The following GRIA4 variants were observed in gnomAD, a reference collection of about 807,000 sequenced individuals.
The protein encoded by GRIA4 is glutamate ionotropic receptor AMPA type subunit 4.
GRIA4 carries 34 observed loss-of-function variants against 104.0 expected under a neutral mutation model. The observed-to-expected ratio is 0.33, with a 90% CI of 0.25 to 0.44. The LOEUF (loss-of-function observed/expected upper bound fraction) is 0.44. Among genes scored for constraint, GRIA4 ranks in the 20% least tolerant of loss-of-function variants. The pLI, the probability that GRIA4 is intolerant of heterozygous loss-of-function variation, is 1.00. For missense variants in GRIA4, 750 were observed against 1,096.5 expected (o/e 0.68, Z 4.46); for synonymous variants, 386 against 381.9 (o/e 1.01, Z -0.13).
chr11:105,935,171 G>A (rs1478777820), intron 14 of GRIA4, among the ~76,000 whole-genome samples: 2 of 152,152 alleles, frequency 1.3e-5, no homozygotes, highest in African/African-American at 4.8e-5. Context: ...AAAAGGTTGT[G>A]TTAAACCAAT....
At chr11:105,614,996 A>G (rs1950565236) in intron 3 of GRIA4, among the ~76,000 whole-genome samples, 1 of 151,976 alleles carries the variant, frequency 6.6e-6, no homozygotes, top group African/African-American at 2.4e-5. Context: ...ATTCCTCACC[A>G]TGATACGGAC....
chr11:105,628,598 T>C (rs1162086904), intron 3 of GRIA4, among the ~76,000 whole-genome samples: 1 of 152,164 alleles, frequency 6.6e-6, no homozygotes, highest in African/African-American at 2.4e-5. Flanking sequence ...TCTTCCACCA[T>C]GATTGTAAGT....
intron 4 of GRIA4, among the ~76,000 whole-genome samples, chr11:105,835,727 G>A (rs558496567): frequency 5.3e-4 from 81 of 152,152 alleles, no homozygotes; most frequent in Middle Eastern, 3.4e-3. Context: ...AAGAGTGAAA[G>A]TCTTTTGAAA....
At chr11:105,641,928 C>T (rs750449082) in intron 3 of GRIA4, among the ~76,000 whole-genome samples, 6 of 152,000 alleles carry the variant, frequency 3.9e-5, no homozygotes, top group African/African-American at 7.3e-5. Flanking sequence ...TTCTGGAGGC[C>T]GAAAGTCTGA....
intron 3 of GRIA4, among the ~76,000 whole-genome samples, chr11:105,626,991 A>T (rs1950902362): frequency 6.6e-6 from 1 of 152,162 alleles, no homozygotes; most frequent in Non-Finnish European, 1.5e-5. Context: ...AGATAGGTGC[A>T]TTGTTTGTCT....
rs1251768573 is a variant in GRIA4, at chr11:105,970,917, T to G, written c.2295-997T>G. 2.0e-5 allele frequency among the ~76,000 whole-genome samples: 3 copies of G among 152,208 alleles called. No homozygotes were observed. The East Asian group carries it at 5.8e-4, about 29-fold the overall frequency. Reference sequence around the variant, plus strand: ...AAGAATTATTAAATTCCTTGGAATATTGACGCCAGGTAATGACTGATGTCC... The same window carrying G: ...AAGAATTATTAAATTCCTTGGAATAGTGACGCCAGGTAATGACTGATGTCC... On this transcript the variant is annotated intron_variant, in intron 14 of 16. Transcript: ENST00000282499.
At chr11:105,960,162 G>C (rs554410789) in intron 14 of GRIA4, among the ~76,000 whole-genome samples, 5 of 152,336 alleles carry the variant, frequency 3.3e-5, no homozygotes, top group East Asian at 1.9e-4. Flanking sequence ...GTGTTTTGCT[G>C]GGGGGAGACC....
At chr11:105,801,689 T>C (rs762271529) in intron 4 of GRIA4, among the ~76,000 whole-genome samples, 4 of 152,028 alleles carry the variant, frequency 2.6e-5, no homozygotes, top group Non-Finnish European at 5.9e-5. Flanking sequence ...ATGCTCATTG[T>C]TGGTGAGGTC....
intron 3 of GRIA4, among the ~76,000 whole-genome samples, chr11:105,666,929 A>G (rs1952183483): frequency 6.6e-6 from 1 of 151,876 alleles, no homozygotes; most frequent in Non-Finnish European, 1.5e-5. Context: ...GGGGTTTTGC[A>G]GCACACGGTC....
chr11:105,920,385 T>C (rs571730076), intron 11 of GRIA4, among the ~76,000 whole-genome samples: 18 of 152,176 alleles, frequency 1.2e-4, no homozygotes, highest in Non-Finnish European at 2.4e-4. Flanking sequence ...AATATCGAAG[T>C]TGTTGGAACT....
intron 4 of GRIA4, among the ~76,000 whole-genome samples, chr11:105,827,391 T>A (rs1943810197): frequency 6.6e-6 from 1 of 152,026 alleles, no homozygotes; most frequent in Admixed American, 6.6e-5. Context: ...ATAGAAAATA[T>A]TTAGAAGAAA....
chr11:105,742,064 C>T (rs138648583), intron 3 of GRIA4, among the ~76,000 whole-genome samples: 5 of 152,094 alleles, frequency 3.3e-5, no homozygotes, highest in African/African-American at 7.2e-5. Flanking sequence ...TTTTATGGGG[C>T]GTTTATCATG....
intron 14 of GRIA4, among the ~76,000 whole-genome samples, chr11:105,949,954 T>A (rs1948419792): frequency 6.6e-6 from 1 of 152,194 alleles, no homozygotes; most frequent in Non-Finnish European, 1.5e-5. Flanking sequence ...ACTATCCTCA[T>A]CTGTAAAATG....
intron 4 of GRIA4, among the ~76,000 whole-genome samples, chr11:105,779,182 T>C (rs1456888073): frequency 6.6e-6 from 1 of 151,992 alleles, no homozygotes; most frequent in Non-Finnish European, 1.5e-5. Flanking sequence ...ATCCTATCTA[T>C]CACTGTTGGA....
intron 3 of GRIA4, among the ~76,000 whole-genome samples, chr11:105,672,446 G>C (rs1017767426): frequency 3.3e-5 from 5 of 152,086 alleles, no homozygotes; most frequent in African/African-American, 1.2e-4. Context: ...TCAAGTTACT[G>C]AGAAAAATTA....
Position 105,979,765 on chromosome 11 carries a change from T to C in GRIA4, c.*26T>C. ...AAACCAAAAAAATAATTGAGTGCCT[T>C]AATTAAACTGTTGGTGACTGGTGGA... On this transcript the variant is annotated 3_prime_UTR_variant, in exon 17 of 17. Transcript: ENST00000282499. 6.4e-7 allele frequency: 1 copy of C among 1,565,524 alleles called. No individual in the cohort carries two copies. The highest frequency in any genetic ancestry group is 8.8e-7 in the Non-Finnish European group (1 of 1,137,572).
chr11:105,924,734 T>G lies in GRIA4; in HGVS notation c.1812T>G (p.Gly604=), dbSNP rs115601281. The part of the protein sequence containing the change: ...GIFNSLWFSL[G]AFMQQGCDIS... ...TTAACAGCCTCTGGTTTTCCCTGGG[T>G]GCTTTTATGCAGCAAGGATGTGACA... Residue 604 remains glycine (G), a synonymous_variant, in exon 12 of 17, where the codon GGT becomes GGG. Coordinates refer to ENST00000282499, the MANE Select transcript of GRIA4 (RefSeq NM_000829.4). 7.2e-5 allele frequency: 116 copies of G among 1,611,444 alleles called. No individual in the cohort carries two copies. Among genetic ancestry groups the G allele is most frequent in the South Asian group, 2.6e-4 (24 of 90,970 alleles).
At chr11:105,885,084 C>T (rs1946205884) in intron 5 of GRIA4, among the ~76,000 whole-genome samples, 1 of 152,054 alleles carries the variant, frequency 6.6e-6, no homozygotes, top group Admixed American at 6.6e-5. Flanking sequence ...GGCAACAACC[C>T]CTGCTGTAGC....
At chr11:105,927,821 A>C (rs559195300) in intron 13 of GRIA4, among the ~76,000 whole-genome samples, 3 of 152,168 alleles carry the variant, frequency 2.0e-5, no homozygotes, top group South Asian at 4.1e-4. Context: ...AAAGTTCGCC[A>C]GAGTGACATT....
Sources: gnomAD v4.1 joint callset for allele counts (sites outside exome capture counted in the v4.1 genomes callset) on GRCh38, gnomAD v4.1.1 for gene constraint, MANE v1.5 for transcripts, NCBI Gene and HGNC (gene_info 2026-07-23, HGNC 2026-07-21) for gene names.